LMAN2: variants seen among roughly 807,000 people sequenced by gnomAD.
LMAN2 encodes the protein vesicular integral-membrane protein VIP36.
A neutral mutation model predicts 39.3 loss-of-function variants in LMAN2; 22 were observed. The ratio of observed to expected loss-of-function variants is 0.56; its 90% confidence interval spans 0.40 to 0.80. The LOEUF (loss-of-function observed/expected upper bound fraction) is 0.80, where lower values mean the gene tolerates loss of function less well. Ranked by LOEUF, LMAN2 falls within the 30% of genes least tolerant of loss-of-function variation. The pLI is 0.00. For synonymous variants in LMAN2, 207 were observed against 207.8 expected (o/e 1.00, Z 0.03); for missense variants, 494 against 505.4 (o/e 0.98, Z 0.22).
chr5:177,334,749 G>A (rs1475303330), intron 6 of LMAN2, among the ~76,000 whole-genome samples: 1 of 152,218 alleles, frequency 6.6e-6, no homozygotes, highest in Non-Finnish European at 1.5e-5. Flanking sequence ...ACATGAGAAG[G>A]GTCTACACCA....
rs942319857 is a variant in LMAN2, at chr5:177,332,338, G to A, written c.911-92C>T. 16 of 1,204,672 alleles carry A rather than the reference G, an allele frequency of 1.3e-5. No homozygotes were observed. The highest frequency in any genetic ancestry group is 4.3e-5 in the Admixed American group (2 of 46,278). 74.6% of individuals were successfully genotyped at this position (1,204,672 alleles called of 1,614,324 possible). A position where few individuals can be genotyped will look rare whatever the true frequency, so the allele number is the denominator to read the frequency against. Reference sequence around the variant, plus strand: ...GCAGTGGGGATGGAACAGGACAGCCGGCCACGGTGGGCAGGCCGGTCGTAC... The same window carrying A: ...GCAGTGGGGATGGAACAGGACAGCCAGCCACGGTGGGCAGGCCGGTCGTAC... On this transcript the variant is annotated intron_variant, in intron 7 of 7. Transcript: ENST00000303127. The surrounding 1 kb of genome is among the most constrained non-coding windows in gnomAD (Gnocchi z 6.3).
In LMAN2 at chr5:177,337,035, G is replaced by A. The variant is rs1761484011; in HGVS notation, c.790+101C>T. On this transcript the variant is annotated intron_variant, in intron 6 of 7. Transcript: ENST00000303127. This position sits in a 1 kb window ranked among gnomAD's most constrained non-coding sequence, Gnocchi z 8.2. Reference sequence around the variant, plus strand: ...GAGGAGGAGGAACACAGCCAGGTGAGCTCAGAAACCACATGAAGGCAGGCA... The same window carrying A: ...GAGGAGGAGGAACACAGCCAGGTGAACTCAGAAACCACATGAAGGCAGGCA... 1 of 836,212 alleles carries A rather than the reference G, an allele frequency of 1.2e-6. No individual in the cohort carries two copies. Among genetic ancestry groups the A allele is most frequent in the South Asian group, 1.5e-5 (1 of 66,834 alleles). The allele number at this position is 836,212 out of a possible 1,614,324, so 51.8% of individuals were successfully genotyped here.
At chr5:177,348,676 T>C (rs553920773) in intron 2 of LMAN2, among the ~76,000 whole-genome samples, 194 of 114,140 alleles carry the variant, frequency 1.7e-3, no homozygotes, top group Non-Finnish European at 2.3e-3. Context: ...TGATAGAGCA[T>C]GACTCTGTCT....
intron 2 of LMAN2, among the ~76,000 whole-genome samples, chr5:177,341,473 G>A (rs765874125): frequency 3.6e-4 from 55 of 152,184 alleles, no homozygotes; most frequent in African/African-American, 1.3e-3. Flanking sequence ...CGGGAACAGC[G>A]GGAGCAAGAA....
Position 177,351,609 on chromosome 5 carries a change from GCC to G in LMAN2, c.37_38del (p.Gly13ProfsTer35). On this transcript the variant is annotated frameshift_variant, in exon 1 of 8. Transcript: ENST00000303127. LOFTEE classifies it high-confidence loss of function. ...GCCCAGGCCTTCCCAGGCACCGCCG[GCC>G]CCAGCCCCAACGCCAAATCCAGCCT... ...AEGWIWRWGW[G>X]RRCLGRPGLL... 1 of 1,604,332 alleles carries G rather than the reference GCC, an allele frequency of 6.2e-7. No homozygotes were observed.
rs908558168 is a variant in LMAN2 at position 177,343,260 on chromosome 5, T to C, written c.316-4655A>G. On this transcript the variant is annotated intron_variant, in intron 2 of 7. Transcript: ENST00000303127. ...CAGGGCGAGACTTCATCTCAATAAA[T>C]AAATAAATAATAACAAATGTTGGCA... Among the ~76,000 whole-genome samples, 7 of 151,960 alleles carry C rather than the reference T, an allele frequency of 4.6e-5. No homozygotes were observed. The South Asian group carries it at 6.2e-4, about 14-fold the overall frequency.
intron 2 of LMAN2, among the ~76,000 whole-genome samples, chr5:177,341,220 C>T (rs550956838): frequency 2.6e-5 from 4 of 152,184 alleles, no homozygotes; most frequent in African/African-American, 9.6e-5. Context: ...GCATGCGCCA[C>T]TACGCCTGGC....
intron 7 of LMAN2, 35 bp downstream of exon 7, chr5:177,334,249 C>T (rs1761435580): frequency 1.3e-6 from 2 of 1,591,720 alleles, no homozygotes; most frequent in Non-Finnish European, 8.6e-7. Context: ...GTCAGGCCGC[C>T]CAGGCCCAGG....
At chr5:177,340,586 A>G (rs1209243010) in intron 2 of LMAN2, among the ~76,000 whole-genome samples, 1 of 152,120 alleles carries the variant, frequency 6.6e-6, no homozygotes, top group Non-Finnish European at 1.5e-5. Context: ...CCTGGCCAAC[A>G]TGGTGAAACC....
chr5:177,346,423 TA>T, intron 2 of LMAN2: 1 of 551,180 alleles, frequency 1.8e-6, no homozygotes, highest in Non-Finnish European at 2.7e-6. Context: ...TGCAGATATT[TA>T]AAGTTGACTA....
At chr5:177,345,000 C>T (rs1011858095) in intron 2 of LMAN2, among the ~76,000 whole-genome samples, 2 of 151,896 alleles carry the variant, frequency 1.3e-5, no homozygotes, top group Admixed American at 6.6e-5. Flanking sequence ...CAGATGTGTA[C>T]GTACAACAGT....
chr5:177,340,460 G>A (rs1458681996), intron 2 of LMAN2, among the ~76,000 whole-genome samples: 1 of 152,104 alleles, frequency 6.6e-6, no homozygotes, highest in Non-Finnish European at 1.5e-5. Context: ...ATCTAGTCTG[G>A]AGTGTCTATT....
chr5:177,339,454 G>A (rs1188312425), intron 2 of LMAN2, among the ~76,000 whole-genome samples: 1 of 152,240 alleles, frequency 6.6e-6, no homozygotes. Context: ...CATGTGAGCT[G>A]GGGCAGGGAT....
chr5:177,339,948 G>C (rs1761527211), intron 2 of LMAN2, among the ~76,000 whole-genome samples: 3 of 152,258 alleles, frequency 2.0e-5, no homozygotes, highest in Admixed American at 2.0e-4. Context: ...CCTAGGCCGA[G>C]TCCCCGAGAG....
At chr5:177,335,408 A>G (rs1002800691) in intron 6 of LMAN2, among the ~76,000 whole-genome samples, 1 of 152,212 alleles carries the variant, frequency 6.6e-6, no homozygotes, top group South Asian at 2.1e-4. Context: ...CATCACCCGT[A>G]AGGTGCCTGG....
Position 177,337,180 on chromosome 5 carries a change from G to A in LMAN2, c.746C>T (p.Thr249Ile), listed in dbSNP as rs779230149. 1 of 1,613,970 alleles carries A rather than the reference G, an allele frequency of 6.2e-7. No homozygotes were observed. The highest frequency in any genetic ancestry group is 8.5e-7 in the Non-Finnish European group (1 of 1,179,966). ...CIDITGVRLP[T>I]GYYFGASAGT... ...GGCGGAGGCCCCGAAGTAGTAGCCG[G>A]TGGGCAGGCGCACTCCCGTGATGTC... Residue 249 changes from threonine to isoleucine, a missense_variant, in exon 6 of 8, where the codon ACC becomes ATC. Coordinates refer to ENST00000303127, the MANE Select transcript of LMAN2 (RefSeq NM_006816.3). This position sits in a 1 kb window ranked among gnomAD's most constrained non-coding sequence, Gnocchi z 8.2.
At chr5:177,343,251 C>T (rs1175073907) in intron 2 of LMAN2, among the ~76,000 whole-genome samples, 1 of 152,104 alleles carries the variant, frequency 6.6e-6, no homozygotes, top group African/African-American at 2.4e-5. Flanking sequence ...GAGACTTCAT[C>T]TCAATAAATA....
At chr5:177,345,048 T>C (rs973091181) in intron 2 of LMAN2, among the ~76,000 whole-genome samples, 1 of 151,980 alleles carries the variant, frequency 6.6e-6, no homozygotes, top group Non-Finnish European at 1.5e-5. Context: ...ATCTTTTAAA[T>C]GCCATTGTCA....
chr5:177,334,318 G>T lies in LMAN2; in HGVS notation c.876C>A (p.Ile292=). The T allele has an allele frequency of 1.9e-6, 3 of 1,612,950 alleles. No homozygotes were observed. Among genetic ancestry groups the T allele is most frequent in the Non-Finnish European group, 2.5e-6 (3 of 1,179,976 alleles). ...PDEESIDWTK[I]EPSVNFLKSP... Reference sequence around the variant, plus strand: ...ACTTGAGGAAGTTGACGCTGGGCTCGATCTTGGTCCAGTCGATGCTCTCCT... The same window carrying T: ...ACTTGAGGAAGTTGACGCTGGGCTCTATCTTGGTCCAGTCGATGCTCTCCT... The change falls in exon 7 of 8, where the codon ATC becomes ATA. Residue 292 remains isoleucine, a synonymous_variant. Coordinates refer to ENST00000303127, the MANE Select transcript of LMAN2 (RefSeq NM_006816.3).
Sources: allele counts gnomAD v4.1 joint callset (sites outside exome capture counted in the v4.1 genomes callset), GRCh38; gene constraint gnomAD v4.1.1; non-coding constraint Gnocchi (gnomAD v3.1); transcripts MANE v1.5; gene names NCBI Gene and HGNC (gene_info 2026-07-23, HGNC 2026-07-21).